Variants in AGAP2 observed in about 807,000 individuals in gnomAD.
The protein encoded by AGAP2 is ArfGAP with GTPase domain, ankyrin repeat and PH domain 2.
A neutral mutation model predicts 110.9 loss-of-function variants in AGAP2; 32 were observed. That is an observed-to-expected ratio of 0.29 (90% CI 0.22 to 0.39). The LOEUF is 0.39. AGAP2 is among the 10% of genes least tolerant of loss of function. AGAP2 has a pLI of 1.00. For synonymous variants in AGAP2, 702 were observed against 713.0 expected (o/e 0.98, Z 0.25); for missense variants, 1,285 against 1,638.5 (o/e 0.78, Z 3.72).
rs748512831 is a variant in AGAP2 at position 57,737,505 on chromosome 12, A to C, written c.742T>G (p.Ser248Ala). ...ATAAAAGGGG[S>A]TASTSGGVGA... is the part of the protein sequence containing the mutation. ...ACCCCACCAGAGGTCGAAGCTGTAGAGCCCCCTCCCCCGGCGGCGGCGGCG... is the reference window on the plus strand; with the variant it reads ...ACCCCACCAGAGGTCGAAGCTGTAGCGCCCCCTCCCCCGGCGGCGGCGGCG... The change falls in exon 1 of 19, where the codon TCT becomes GCT. Residue 248 changes from serine (S) to alanine (A), a missense_variant. Ser to Ala is a moderately conservative substitution (Grantham distance 99). Transcript: ENST00000547588. This position sits in a 1 kb window ranked among gnomAD's most constrained non-coding sequence, Gnocchi z 5.9. The C allele has an allele frequency of 1.3e-6, 2 of 1,596,688 alleles. No homozygotes were observed. The highest frequency in any genetic ancestry group is 1.7e-6 in the Non-Finnish European group (2 of 1,171,750).
rs1253577497 is a variant in AGAP2, at chr12:57,737,580, C to T, written c.667G>A (p.Gly223Arg). 50 of 1,548,682 alleles carry T rather than the reference C, an allele frequency of 3.2e-5. No homozygotes were observed. The highest frequency in any genetic ancestry group is 4.3e-5 in the Non-Finnish European group (49 of 1,147,040). The change falls in exon 1 of 19, where the codon GGG (glycine) becomes AGG (arginine). Residue 223 changes from glycine to arginine, a missense_variant. By Grantham distance (125) the Gly-to-Arg change is moderately radical. This residue lies in a region of AGAP2 where 844 missense variants were observed against 941.2 expected (regional missense o/e 0.90). Coordinates refer to ENST00000547588, the MANE Select transcript of AGAP2 (RefSeq NM_001122772.3). The surrounding 1 kb of genome is among the most constrained non-coding windows in gnomAD (Gnocchi z 5.9). ...CCAGTCCCGGCGCTGCTCTTTGACC[C>T]CTTGACCCTGGGCTTGCCCTCGCTT... The part of the protein sequence containing the change: ...PESEGKPRVK[G>R]SKSSAGTGAS...
Position 57,727,726 on chromosome 12 carries a change from G to A in AGAP2, c.2812C>T (p.Arg938Trp). The change falls in exon 16 of 19, where the codon CGG becomes TGG. Residue 938 changes from arginine (R) to tryptophan (W), a missense_variant. This residue lies in a region of AGAP2 where 39 missense variants were observed against 45.8 expected (regional missense o/e 0.85). Coordinates refer to ENST00000547588, the MANE Select transcript of AGAP2 (RefSeq NM_001122772.3). ...QSEAVAIQAI[R>W]NAKGNSICVD... ...CAGATTGAATTCCCCTTGGCGTTCCGGATCGCCTGGATGGCCACGGCCTCG... is the reference window on the plus strand; with the variant it reads ...CAGATTGAATTCCCCTTGGCGTTCCAGATCGCCTGGATGGCCACGGCCTCG... 1 of 1,598,112 alleles carries A rather than the reference G, an allele frequency of 6.3e-7. No homozygotes were observed. The highest frequency in any genetic ancestry group is 8.5e-7 in the Non-Finnish European group (1 of 1,171,266).
In AGAP2 at chr12:57,726,899, T is replaced by C. The variant is rs111324226; in HGVS notation, c.3336+75A>G. 1.7e-5 allele frequency: 25 copies of C among 1,478,548 alleles called. No individual in the cohort carries two copies. In the African/African-American group the frequency reaches 3.2e-4, roughly 19 times the overall value. The allele number at this position is 1,478,548 out of a possible 1,614,324, so 91.6% of individuals were successfully genotyped here. ...CTACTTCCGGGGTCCCTCTGGGAATTTCGGGCTTTCCCGCGCCAGGCGTTT... is the reference window on the plus strand; with the variant it reads ...CTACTTCCGGGGTCCCTCTGGGAATCTCGGGCTTTCCCGCGCCAGGCGTTT... On this transcript the variant is annotated intron_variant, in intron 18 of 18. Transcript: ENST00000547588. This position sits in a 1 kb window ranked among gnomAD's most constrained non-coding sequence, Gnocchi z 5.7.
chr12:57,736,470 G>A (rs1383587230), intron 1 of AGAP2, among the ~76,000 whole-genome samples: 1 of 152,090 alleles, frequency 6.6e-6, no homozygotes, highest in African/African-American at 2.4e-5. Context: ...GGGGTGGGCA[G>A]TGGGGGAAGT....
chr12:57,742,126 G>A, upstream of AGAP2: 1 of 1,584,058 alleles, frequency 6.3e-7, no homozygotes, highest in Non-Finnish European at 8.6e-7. Flanking sequence ...TGAGGCCCAT[G>A]GCCCTACAGC....
chr12:57,742,088 T>C (rs1183839271), upstream of AGAP2: 3 of 1,610,858 alleles, frequency 1.9e-6, no homozygotes, highest in Non-Finnish European at 2.5e-6. Flanking sequence ...CAGACCTGTC[T>C]TGCCAGGCTA....
chr12:57,741,205 A>T (rs1255523983), upstream of AGAP2, among the ~76,000 whole-genome samples: 1 of 151,998 alleles, frequency 6.6e-6, no homozygotes, highest in African/African-American at 2.4e-5. Context: ...GGGCAGGAGG[A>T]TGTGGCGGAT....
chr12:57,734,499 T>C, intron 3 of AGAP2, 93 bp downstream of exon 3: 1 of 1,587,902 alleles, frequency 6.3e-7, no homozygotes, highest in Admixed American at 1.7e-5. Flanking sequence ...GGCCTCATCC[T>C]TCCCCCCTGG....
chr12:57,737,991 C>A lies in AGAP2; in HGVS notation c.256G>T (p.Gly86Trp). 1 of 1,456,660 alleles carries A rather than the reference C, an allele frequency of 6.9e-7. No individual in the cohort carries two copies. The highest frequency in any genetic ancestry group is 9.0e-7 in the Non-Finnish European group (1 of 1,111,094). 90.2% of individuals were successfully genotyped at this position (1,456,660 alleles called of 1,614,324 possible). ...GACAGGGCTGGGGGCTCCGCGCCCC[C>A]GGTGCCCGCGCTGCTCGTGCTGATC... is the stretch of plus-strand genomic sequence containing the variant. ...LWISTSSAGT[G>W]GAEPPALSPA... The change falls in exon 1 of 19, where the codon GGG becomes TGG. Residue 86 changes from glycine to tryptophan, a missense_variant. Gly to Trp is a radical substitution (Grantham distance 184, BLOSUM62 -2). This residue lies in a region of AGAP2 where 844 missense variants were observed against 941.2 expected (regional missense o/e 0.90). Coordinates refer to ENST00000547588, the MANE Select transcript of AGAP2 (RefSeq NM_001122772.3). The surrounding 1 kb of genome is among the most constrained non-coding windows in gnomAD (Gnocchi z 5.9).
At position 57,738,444 on chromosome 12, in the gene AGAP2, A is replaced by AT; in HGVS notation, c.-199dup. Reference sequence around the variant, plus strand: ...CCATCACATGGGGCGCCCCCTCCCCATGCTCCCCGCCCTGCGCCCCCACCC... The same window carrying AT: ...CCATCACATGGGGCGCCCCCTCCCCATTGCTCCCCGCCCTGCGCCCCCACCC... On this transcript the variant is annotated 5_prime_UTR_variant, in exon 1 of 19. The change creates a new upstream start codon in the 5' untranslated region. Transcript: ENST00000547588. The surrounding 1 kb of genome is among the most constrained non-coding windows in gnomAD (Gnocchi z 6.7). 2.6e-6 allele frequency: 1 copy of AT among 381,892 alleles called. No homozygotes were observed. Among genetic ancestry groups the AT allele is most frequent in the Non-Finnish European group, 3.6e-6 (1 of 279,658 alleles). The allele number at this position is 381,892 out of a possible 1,614,324, so 23.7% of individuals were successfully genotyped here.
At position 57,738,223 on chromosome 12, in the gene AGAP2, A is replaced by G. The variant is rs2140369175; in HGVS notation, c.24T>C (p.Leu8=). 1 of 1,520,188 alleles carries G rather than the reference A, an allele frequency of 6.6e-7. No individual in the cohort carries two copies. Among genetic ancestry groups the G allele is most frequent in the East Asian group, 2.6e-5 (1 of 38,966 alleles). The allele number at this position is 1,520,188 out of a possible 1,614,324, so 94.2% of individuals were successfully genotyped here. MSRGAGA[L]QRRTTTYLIS... is the part of the protein sequence containing the mutation. ...TGAGGTAGGTCGTTGTCCGGCGCTG[A>G]AGCGCGCCCGCGCCCCGGCTCATGG... is the stretch of plus-strand genomic sequence containing the variant. The change falls in exon 1 of 19, where the codon CTT becomes CTC. Residue 8 remains leucine (L), a synonymous_variant. Transcript: ENST00000547588. The surrounding 1 kb of genome is among the most constrained non-coding windows in gnomAD (Gnocchi z 6.7).
rs1565798878 is a variant in AGAP2, at chr12:57,738,080, C to A, written c.167G>T (p.Arg56Leu). 2 of 1,524,776 alleles carry A rather than the reference C, an allele frequency of 1.3e-6. No homozygotes were observed. The highest frequency in any genetic ancestry group is 2.4e-5 in the South Asian group (2 of 83,558). The allele number at this position is 1,524,776 out of a possible 1,614,324, so 94.5% of individuals were successfully genotyped here. ...GSETGDPGSP[R>L]GAEEPGKKRH... is the part of the protein sequence containing the mutation. ...CTTCTTGCCCGGCTCCTCCGCGCCT[C>A]GGGGGCTGCCAGGATCCCCAGTCTC... is the stretch of plus-strand genomic sequence containing the variant. Residue 56 changes from arginine to leucine, a missense_variant, in exon 1 of 19, where the codon CGA becomes CTA. Around this residue, in one of 7 missense-constraint regions of AGAP2, gnomAD observed 844 missense variants for 941.2 expected, o/e 0.90. Coordinates refer to ENST00000547588, the MANE Select transcript of AGAP2 (RefSeq NM_001122772.3). This position sits in a 1 kb window ranked among gnomAD's most constrained non-coding sequence, Gnocchi z 6.7.
Position 57,726,409 on chromosome 12 carries a change from G to T in AGAP2, c.*143C>A. On this transcript the variant is annotated 3_prime_UTR_variant, in exon 19 of 19. Coordinates refer to ENST00000547588, the MANE Select transcript of AGAP2 (RefSeq NM_001122772.3). This position sits in a 1 kb window ranked among gnomAD's most constrained non-coding sequence, Gnocchi z 5.7. ...TTTGTGTCTTCTGGAAGGCGTGGGGGCTGTGCCCTCGTGGGGGTAGGAAGT... is the reference window on the plus strand; with the variant it reads ...TTTGTGTCTTCTGGAAGGCGTGGGGTCTGTGCCCTCGTGGGGGTAGGAAGT... 1 of 811,444 alleles carries T rather than the reference G, an allele frequency of 1.2e-6. No homozygotes were observed. The highest frequency in any genetic ancestry group is 1.6e-6 in the Non-Finnish European group (1 of 632,102). 50.3% of individuals were successfully genotyped at this position (811,444 alleles called of 1,614,324 possible).
At chr12:57,728,448 A>G in intron 13 of AGAP2, 71 bp from the exon 14 acceptor site, 1 of 1,512,290 alleles carries the variant, frequency 6.6e-7, no homozygotes, top group Non-Finnish European at 9.2e-7. Flanking sequence ...CCAAGAAAGA[A>G]GGAGAAAAAG....
In AGAP2 at chr12:57,726,055, G is replaced by A. The variant is rs1774604339; in HGVS notation, c.*497C>T. The A allele has an allele frequency of 6.6e-6, 1 of 152,156 alleles. No individual in the cohort carries two copies. Among genetic ancestry groups the A allele is most frequent in the Admixed American group, 6.5e-5 (1 of 15,284 alleles). 9.4% of individuals were successfully genotyped at this position (152,156 alleles called of 1,614,324 possible). On this transcript the variant is annotated 3_prime_UTR_variant, in exon 19 of 19. Coordinates refer to ENST00000547588, the MANE Select transcript of AGAP2 (RefSeq NM_001122772.3). This position sits in a 1 kb window ranked among gnomAD's most constrained non-coding sequence, Gnocchi z 5.7. ...TTCACTGGGCAGTGAGATGAGCATG[G>A]AAGGGGTAGGGTTTCCGTATTGGCC... is the stretch of plus-strand genomic sequence containing the variant.
chr12:57,735,335 C>A, intron 2 of AGAP2, 34 bp downstream of exon 2: 1 of 1,607,844 alleles, frequency 6.2e-7, no homozygotes, highest in Non-Finnish European at 8.5e-7. Context: ...GGGAGGTCAG[C>A]CTTCCCTATA....
rs765860420 is a variant in AGAP2, at chr12:57,726,954, CCT to C, written c.3336+18_3336+19del. The C allele has an allele frequency of 6.6e-7, 1 of 1,522,208 alleles. No individual in the cohort carries two copies. Among genetic ancestry groups the C allele is most frequent in the Admixed American group, 2.1e-5 (1 of 47,884 alleles). 94.3% of individuals were successfully genotyped at this position (1,522,208 alleles called of 1,614,324 possible). The stretch of plus-strand genomic sequence containing the variant: ...AGATGAAGCCTCAAAGACCCCCTTT[CCT>C]CCCCCCAGCTCACGTACCCACAGCA... On this transcript the variant is annotated intron_variant, in intron 18 of 18. Coordinates refer to ENST00000547588, the MANE Select transcript of AGAP2 (RefSeq NM_001122772.3). The surrounding 1 kb of genome is among the most constrained non-coding windows in gnomAD (Gnocchi z 5.7).
In AGAP2 at chr12:57,737,998, C is replaced by T. The variant is rs1047483524; in HGVS notation, c.249G>A (p.Ala83=). The T allele has an allele frequency of 2.0e-6, 3 of 1,478,484 alleles. No individual in the cohort carries two copies. The highest frequency in any genetic ancestry group is 4.6e-5 in the Admixed American group (2 of 43,794). The allele number at this position is 1,478,484 out of a possible 1,614,324, so 91.6% of individuals were successfully genotyped here. A position where few individuals can be genotyped will look rare whatever the true frequency, so the allele number is the denominator to read the frequency against. The change falls in exon 1 of 19, where the codon GCG becomes GCA. Residue 83 remains alanine (A), a synonymous_variant. Coordinates refer to ENST00000547588, the MANE Select transcript of AGAP2 (RefSeq NM_001122772.3). This position sits in a 1 kb window ranked among gnomAD's most constrained non-coding sequence, Gnocchi z 5.9. ...CTGGGGGCTCCGCGCCCCCGGTGCCCGCGCTGCTCGTGCTGATCCACAGCG... is the reference window on the plus strand; with the variant it reads ...CTGGGGGCTCCGCGCCCCCGGTGCCTGCGCTGCTCGTGCTGATCCACAGCG... ...QDALWISTSS[A]GTGGAEPPAL...
In AGAP2 at chr12:57,737,348, C is replaced by A; in HGVS notation, c.899G>T (p.Ser300Ile). 5 of 1,613,802 alleles carry A rather than the reference C, an allele frequency of 3.1e-6. No individual in the cohort carries two copies. Among genetic ancestry groups the A allele is most frequent in the Non-Finnish European group, 4.2e-6 (5 of 1,179,828 alleles). The change falls in exon 1 of 19, where the codon AGT (serine) becomes ATT (isoleucine). Residue 300 changes from serine to isoleucine, a missense_variant. Ser to Ile is a moderately radical substitution (Grantham distance 142). Around this residue, in one of 7 missense-constraint regions of AGAP2, gnomAD observed 844 missense variants for 941.2 expected, o/e 0.90. Coordinates refer to ENST00000547588, the MANE Select transcript of AGAP2 (RefSeq NM_001122772.3). The surrounding 1 kb of genome is among the most constrained non-coding windows in gnomAD (Gnocchi z 5.9). ...PPPLTLPPTP[S>I]PATAVTAASA... ...AGCAGCGGTGACAGCAGTGGCTGGA[C>A]TCGGAGTTGGTGGGAGGGTTAGCGG...
Sources: gnomAD v4.1 joint callset for allele counts (sites outside exome capture counted in the v4.1 genomes callset) on GRCh38, gnomAD v4.1.1 for gene constraint, gnomAD v4.1.1 regional missense constraint, Gnocchi (gnomAD v3.1) non-coding constraint, MANE v1.5 for transcripts, NCBI Gene and HGNC (gene_info 2026-07-23, HGNC 2026-07-21) for gene names.